WDR73: variants seen among roughly 807,000 people sequenced by gnomAD.
WDR73 encodes WD repeat domain 73.
A neutral mutation model predicts 38.2 loss-of-function variants in WDR73; 30 were observed. The ratio of observed to expected loss-of-function variants is 0.79; its 90% CI spans 0.59 to 1.06. The LOEUF (loss-of-function observed/expected upper bound fraction) is 1.06, where lower values mean the gene tolerates loss of function less well. WDR73 is among the 50% of genes least tolerant of loss of function. The pLI is 0.00. For missense variants in WDR73, 487 were observed against 467.0 expected, an observed-to-expected ratio of 1.04 and a Z score of -0.40; for synonymous variants, 197 against 176.0, an observed-to-expected ratio of 1.12 and a Z score of -0.94.
chr15:84,649,884 C>G (rs7181896), intron 3 of WDR73, among the ~76,000 whole-genome samples: 2 of 152,160 alleles, frequency 1.3e-5, no homozygotes, highest in African/African-American at 4.8e-5. Flanking sequence ...GCTGGGATTA[C>G]AGGTGTGAGT....
At position 84,647,518 on chromosome 15, in the gene WDR73, C is replaced by T. The variant is rs112692101; in HGVS notation, c.352+372G>A. ...CTACTACTACTTTTTTTTTTGGAGACGGAGTTTTGCTCTTGTTGCCCAGGC... is the reference window on the plus strand; with the variant it reads ...CTACTACTACTTTTTTTTTTGGAGATGGAGTTTTGCTCTTGTTGCCCAGGC... On this transcript the variant is annotated intron_variant, in intron 5 of 7. Transcript: ENST00000434634. The T allele has an allele frequency of 8.0e-3, 1,486 of 185,590 alleles. 29 individuals carry two copies. Among genetic ancestry groups the T allele is most frequent in the African/African-American group, 0.033 (1,384 of 42,516 alleles). 11.5% of individuals were successfully genotyped at this position (185,590 alleles called of 1,614,324 possible). A position where few individuals can be genotyped will look rare whatever the true frequency, so the allele number is the denominator to read the frequency against.
At chr15:84,647,657 C>T (rs1300770841) in intron 5 of WDR73, 13 of 522,006 alleles carry the variant, frequency 2.5e-5, no homozygotes, top group African/African-American at 3.8e-5. Context: ...CCACCATGCC[C>T]GGCTAATTTT....
At chr15:84,653,982 C>T (rs1896708244) in intron 1 of WDR73, 5 of 604,646 alleles carry the variant, frequency 8.3e-6, no homozygotes, top group South Asian at 4.0e-5. Flanking sequence ...CAGAGGCTGG[C>T]GCAAACTAAC....
At chr15:84,643,783 TTC>T (rs2141834016) in intron 7 of WDR73, 60 bp from the exon 8 acceptor site, 4 of 1,477,992 alleles carry the variant, frequency 2.7e-6, no homozygotes, top group Non-Finnish European at 3.6e-6. Flanking sequence ...TAAAATAATT[TTC>T]TTTCTATTTT....
chr15:84,647,805 T>C, intron 5 of WDR73, 85 bp downstream of exon 5: 2 of 1,376,704 alleles, frequency 1.5e-6, no homozygotes, highest in Non-Finnish European at 2.1e-6. Flanking sequence ...TGAGTCTCCT[T>C]CTTAACTGGC....
At chr15:84,648,345 G>C (rs1321977885) in intron 4 of WDR73, 192 bp downstream of exon 4, 7 of 593,076 alleles carry the variant, frequency 1.2e-5, no homozygotes, top group Admixed American at 3.0e-5. Flanking sequence ...GGCTCTGGGG[G>C]GCTATGAAGC....
rs1227083004 is a variant in WDR73, at chr15:84,641,916, T to A, written c.*1554A>T. On this transcript the variant is annotated 3_prime_UTR_variant, in exon 8 of 8. Coordinates refer to ENST00000434634, the MANE Select transcript of WDR73 (RefSeq NM_032856.5). ...GTTCACCATGGTGCCCAGGCTGATCTCGAACTCCTCCTGGACTCAAGCTAT... is the reference window on the plus strand; with the variant it reads ...GTTCACCATGGTGCCCAGGCTGATCACGAACTCCTCCTGGACTCAAGCTAT... 1 of 152,150 alleles carries A rather than the reference T, an allele frequency of 6.6e-6. No homozygotes were observed. Among genetic ancestry groups the A allele is most frequent in the Non-Finnish European group, 1.5e-5 (1 of 68,046 alleles). The allele number at this position is 152,150 out of a possible 1,614,324, so 9.4% of individuals were successfully genotyped here. A position where few individuals can be genotyped will look rare whatever the true frequency, so the allele number is the denominator to read the frequency against.
intron 3 of WDR73, among the ~76,000 whole-genome samples, chr15:84,651,946 C>T (rs1224393397): frequency 6.6e-6 from 1 of 152,174 alleles, no homozygotes; most frequent in Admixed American, 6.5e-5. Context: ...CAGCTCACTA[C>T]AACCTCCGCC....
At chr15:84,654,168 C>G in intron 1 of WDR73, 66 bp downstream of exon 1, 1 of 1,609,114 alleles carries the variant, frequency 6.2e-7, no homozygotes, top group South Asian at 1.1e-5. Flanking sequence ...TGCCTCCACC[C>G]ACACCCATCC....
At chr15:84,647,640 G>A (rs1246233138) in intron 5 of WDR73, 1 of 486,856 alleles carries the variant, frequency 2.1e-6, no homozygotes, top group South Asian at 2.3e-5. Flanking sequence ...GGGATTACAG[G>A]TGCCTACCAC....
At chr15:84,651,014 C>T (rs544978448) in intron 3 of WDR73, among the ~76,000 whole-genome samples, 4 of 151,840 alleles carry the variant, frequency 2.6e-5, no homozygotes, top group South Asian at 4.2e-4. Flanking sequence ...ACTCGGGATG[C>T]TGAAGTGGGA....
rs780494734 is a variant in WDR73, at chr15:84,643,564, G to C, written c.1043C>G (p.Thr348Ser). The C allele has an allele frequency of 6.2e-7, 1 of 1,611,514 alleles. No homozygotes were observed. Among genetic ancestry groups the C allele is most frequent in the Admixed American group, 1.7e-5 (1 of 59,620 alleles). The change falls in exon 8 of 8, where the codon ACC (threonine) becomes AGC (serine). Residue 348 changes from threonine to serine, a missense_variant. Transcript: ENST00000434634. ...MDPAPLVTTH[T>S]WHPCRPRTLL... ...AGTCCTTGGTCTGCAGGGATGCCAG[G>C]TGTGGGTGGTGACCAAAGGAGCAGG...
chr15:84,647,895 T>C lies in WDR73; in HGVS notation c.347A>G (p.Asp116Gly). The change falls in exon 5 of 8, where the codon GAC (aspartate) becomes GGC (glycine). Residue 116 changes from aspartate to glycine, a missense_variant. By Grantham distance (94) the Asp-to-Gly change is moderately conservative (BLOSUM62 -1). Transcript: ENST00000434634. ...CYLQVWQVAE[D>G]SDVIKAVSTI... ...ATCAAGTCAAATTCACTCACCACTG[T>C]CCTCTGCAACCTGCCACACCTGCAG... The C allele has an allele frequency of 6.2e-7, 1 of 1,613,932 alleles. No homozygotes were observed. Among genetic ancestry groups the C allele is most frequent in the Non-Finnish European group, 8.5e-7 (1 of 1,179,854 alleles).
At position 84,654,021 on chromosome 15, in the gene WDR73, C is replaced by T. The variant is rs574734517; in HGVS notation, c.41+213G>A. 553 of 646,028 alleles carry T rather than the reference C, an allele frequency of 8.6e-4. 6 individuals carry two copies. The South Asian group carries it at 0.01, about 12-fold the overall frequency. 40.0% of individuals were successfully genotyped at this position (646,028 alleles called of 1,614,324 possible). On this transcript the variant is annotated intron_variant, in intron 1 of 7. Coordinates refer to ENST00000434634, the MANE Select transcript of WDR73 (RefSeq NM_032856.5). Reference sequence around the variant, plus strand: ...GCACTGCGTCTTCACAAGCGCGGCTCTTACTAGTAATCTCACAACGCGCGC... The same window carrying T: ...GCACTGCGTCTTCACAAGCGCGGCTTTTACTAGTAATCTCACAACGCGCGC...
At chr15:84,646,684 ACTTACCC>A (rs1190867102) in intron 5 of WDR73, 1 of 225,684 alleles carries the variant, frequency 4.4e-6, no homozygotes, top group Non-Finnish European at 8.9e-6. Flanking sequence ...TGCTGATGTC[ACTTACCC>A]CTTCAGCGAC....
rs969664590 is a variant in WDR73 at position 84,640,430 on chromosome 15, C to T, written c.*3040G>A. ...CACAAAGACCACTTTGAGGCTCTTGCTCTGCTCTTTAGCCAAGGAGTCTCC... is the reference window on the plus strand; with the variant it reads ...CACAAAGACCACTTTGAGGCTCTTGTTCTGCTCTTTAGCCAAGGAGTCTCC... On this transcript the variant is annotated 3_prime_UTR_variant, in exon 8 of 8. Transcript: ENST00000434634. The T allele has an allele frequency of 5.9e-5, 9 of 152,216 alleles. No homozygotes were observed. Among genetic ancestry groups the T allele is most frequent in the Non-Finnish European group, 1.2e-4 (8 of 68,042 alleles). The allele number at this position is 152,216 out of a possible 1,614,324, so 9.4% of individuals were successfully genotyped here. A position where few individuals can be genotyped will look rare whatever the true frequency, so the allele number is the denominator to read the frequency against.
chr15:84,644,079 G>A (rs567058452), intron 7 of WDR73: 1 of 222,116 alleles, frequency 4.5e-6, no homozygotes, highest in African/African-American at 2.3e-5. Context: ...TATGCGTGAG[G>A]CTCGAAGGCT....
Position 84,643,475 on chromosome 15 carries a change from G to C in WDR73, c.1132C>G (p.Arg378Gly), listed in dbSNP as rs376622127. ...VWDWVDLCAP[R>G] Reference sequence around the variant, plus strand: ...TAGATGGAAAGATGCTGGTGTCAGCGGGGGGCACAAAGGTCCACCCAGTCC... The same window carrying C: ...TAGATGGAAAGATGCTGGTGTCAGCCGGGGGCACAAAGGTCCACCCAGTCC... Residue 378 changes from arginine to glycine, a missense_variant, in exon 8 of 8, where the codon CGC becomes GGC. Transcript: ENST00000434634. 6.4e-7 allele frequency: 1 copy of C among 1,551,358 alleles called. No individual in the cohort carries two copies. Among genetic ancestry groups the C allele is most frequent in the African/African-American group, 1.4e-5 (1 of 73,194 alleles).
chr15:84,649,085 T>C (rs926231047), intron 3 of WDR73, among the ~76,000 whole-genome samples: 5 of 152,226 alleles, frequency 3.3e-5, no homozygotes, highest in African/African-American at 9.6e-5. Flanking sequence ...TACAACCTCC[T>C]ATGATATAGG....
Sources: allele counts gnomAD v4.1 joint callset (sites outside exome capture counted in the v4.1 genomes callset), GRCh38; gene constraint gnomAD v4.1.1; transcripts MANE v1.5; gene names NCBI Gene and HGNC (gene_info 2026-07-23, HGNC 2026-07-21).